Variants in PTPRK observed in about 807,000 individuals in gnomAD.
PTPRK encodes receptor-type tyrosine-protein phosphatase kappa.
Under a neutral mutation model 178.0 loss-of-function variants are expected in PTPRK, and 75 were observed. The observed-to-expected ratio is 0.42, with a 90% CI of 0.35 to 0.51. The LOEUF (loss-of-function observed/expected upper bound fraction) is 0.51, where lower values mean the gene tolerates loss of function less well. PTPRK is among the 20% of genes least tolerant of loss of function. The pLI, the probability that PTPRK is intolerant of heterozygous loss-of-function variation, is 0.02. For missense variants in PTPRK, 1,441 were observed against 1,797.8 expected, an observed-to-expected ratio of 0.80 and a Z score of 3.59; for synonymous variants, 637 against 620.6, an observed-to-expected ratio of 1.03 and a Z score of -0.39.
At chr6:128,020,925 A>C (rs772397315) in intron 13 of PTPRK, among the ~76,000 whole-genome samples, 22 of 152,186 alleles carry the variant, frequency 1.4e-4, no homozygotes, top group Admixed American at 3.3e-4. Flanking sequence ...AAATCACGTT[A>C]ATAGAGGTTG....
At chr6:128,143,128 T>C (rs2114519381) in intron 7 of PTPRK, among the ~76,000 whole-genome samples, 1 of 149,984 alleles carries the variant, frequency 6.7e-6, no homozygotes, top group African/African-American at 2.5e-5. Flanking sequence ...AAATGCCTTC[T>C]TTTCACCTTC....
intron 3 of PTPRK, among the ~76,000 whole-genome samples, chr6:128,317,159 C>A (rs1297152995): frequency 6.6e-6 from 1 of 152,070 alleles, no homozygotes; most frequent in Non-Finnish European, 1.5e-5. Context: ...AGACCAAACT[C>A]ATAAAAATCA....
At chr6:128,232,822 A>T (rs1812529240) in intron 5 of PTPRK, among the ~76,000 whole-genome samples, 1 of 152,218 alleles carries the variant, frequency 6.6e-6, no homozygotes, top group African/African-American at 2.4e-5. Context: ...CCATTCTTAA[A>T]GTCTTTTACC....
At chr6:128,496,525 A>C (rs938005952) in intron 1 of PTPRK, among the ~76,000 whole-genome samples, 1 of 152,192 alleles carries the variant, frequency 6.6e-6, no homozygotes, top group Non-Finnish European at 1.5e-5. Flanking sequence ...ATTAAACCTA[A>C]GTGAAGTGAC....
intron 1 of PTPRK, among the ~76,000 whole-genome samples, chr6:128,510,340 T>C (rs142660485): frequency 2.3e-3 from 349 of 152,272 alleles, no homozygotes; most frequent in African/African-American, 8.0e-3. Context: ...GGAGAGGAGG[T>C]AGCTAGGCAA....
chr6:128,450,396 C>A (rs999496876), intron 1 of PTPRK, among the ~76,000 whole-genome samples: 2 of 152,122 alleles, frequency 1.3e-5, no homozygotes, highest in Non-Finnish European at 2.9e-5. Context: ...TTAAACAAAA[C>A]CACTTGTTCT....
At chr6:128,312,349 C>G (rs745408909) in intron 3 of PTPRK, among the ~76,000 whole-genome samples, 1 of 152,136 alleles carries the variant, frequency 6.6e-6, no homozygotes, top group Non-Finnish European at 1.5e-5. Context: ...GTTTCTATGC[C>G]CTGCCATGGG....
chr6:128,009,099 G>A (rs1363174412), intron 14 of PTPRK, 31 bp downstream of exon 14: 2 of 1,546,974 alleles, frequency 1.3e-6, no homozygotes, highest in African/African-American at 1.4e-5. Flanking sequence ...TAAATGGTAA[G>A]TGAGTGGGAC....
At chr6:127,977,119 A>G (rs1217243519) in intron 25 of PTPRK, 65 bp from the exon 26 acceptor site, 2 of 1,507,702 alleles carry the variant, frequency 1.3e-6, no homozygotes, top group African/African-American at 2.8e-5. Context: ...TTGTACAAAC[A>G]GATACAATAC....
rs1562577229 is a variant in PTPRK at position 128,464,664 on chromosome 6, T to TATATATATATAC, written c.100+55583_100+55594dup. Among the ~76,000 whole-genome samples the TATATATATATAC allele has an allele frequency of 5.1e-5, 6 of 117,732 alleles. 1 individual carries two copies. In the East Asian group the frequency reaches 1.3e-3, roughly 26 times the overall value. 77.2% of individuals were successfully genotyped at this position (117,732 alleles called of 152,430 possible). Reference sequence around the variant, plus strand: ...ATATATATATATATATATATATATATATATATATATACAACAGATGGTCAC... The same window carrying TATATATATATAC: ...ATATATATATATATATATATATATATATATATATATACATATATATATACAACAGATGGTCAC... On this transcript the variant is annotated intron_variant, in intron 1 of 29. Coordinates refer to ENST00000368226, the MANE Select transcript of PTPRK (RefSeq NM_002844.4).
At chr6:128,465,093 G>A (rs1419456390) in intron 1 of PTPRK, among the ~76,000 whole-genome samples, 2 of 151,644 alleles carry the variant, frequency 1.3e-5, no homozygotes, top group African/African-American at 4.8e-5. Flanking sequence ...TTTCCAACAA[G>A]AGCAGTTTGG....
At chr6:128,016,287 G>A (rs1393853721) in intron 13 of PTPRK, among the ~76,000 whole-genome samples, 1 of 151,814 alleles carries the variant, frequency 6.6e-6, no homozygotes, top group Non-Finnish European at 1.5e-5. Context: ...TTGATGAAGG[G>A]TGACGTTATA....
chr6:128,388,226 G>A (rs958664952), intron 2 of PTPRK, among the ~76,000 whole-genome samples: 11 of 152,130 alleles, frequency 7.2e-5, no homozygotes, highest in African/African-American at 2.7e-4. Context: ...TAAGACATAA[G>A]GAGGAGACAA....
chr6:127,991,859 C>G (rs2114663093), intron 19 of PTPRK, among the ~76,000 whole-genome samples: 1 of 151,796 alleles, frequency 6.6e-6, no homozygotes, highest in East Asian at 1.9e-4. Flanking sequence ...CTCCAAACTG[C>G]AAAAGCATGT....
In PTPRK at chr6:128,424,452, T is replaced by C. The variant is rs138783432; in HGVS notation, c.101-26764A>G. Among the ~76,000 whole-genome samples, 16 of 152,294 alleles carry C rather than the reference T, an allele frequency of 1.1e-4. 1 individual carries two copies. In the East Asian group the frequency reaches 3.1e-3, roughly 29 times the overall value. On this transcript the variant is annotated intron_variant, in intron 1 of 29. Transcript: ENST00000368226. ...CTTGAAATTACACTATTCTCAGTCG[T>C]ATAAAATCAGACTAGTAAGTAAATA...
At chr6:127,976,318 G>A (rs1167560760) in intron 27 of PTPRK, among the ~76,000 whole-genome samples, 1 of 151,974 alleles carries the variant, frequency 6.6e-6, no homozygotes, top group East Asian at 1.9e-4. Flanking sequence ...CCATTTCTGG[G>A]CTGGATGTCA....
chr6:128,471,579 G>A (rs1850656351), intron 1 of PTPRK, among the ~76,000 whole-genome samples: 1 of 134,650 alleles, frequency 7.4e-6, no homozygotes. Flanking sequence ...AAATCAGAAA[G>A]GCATTCACTA....
intron 13 of PTPRK, among the ~76,000 whole-genome samples, chr6:128,031,771 T>C (rs1308439087): frequency 2.0e-5 from 3 of 152,118 alleles, no homozygotes; most frequent in South Asian, 4.1e-4. Flanking sequence ...CTTGAACTAA[T>C]TTAGAACAGT....
At position 127,985,737 on chromosome 6, in the gene PTPRK, T is replaced by C. The variant is rs762912929; in HGVS notation, c.3235A>G (p.Ile1079Val). Reference protein sequence around the residue: ...KLSNPPSAGPIVVHCSAGAGR... With the variant: ...KLSNPPSAGPVVVHCSAGAGR... ...ACCACTTACCTGCAATGTACAACGA[T>C]GGGGCCAGCACTGGGAGGGTTTGAT... is the stretch of plus-strand genomic sequence containing the variant. The change falls in exon 22 of 30, where the codon ATC becomes GTC. Residue 1079 changes from isoleucine to valine, a missense_variant. By Grantham distance (29) the Ile-to-Val change is conservative. Around this residue, in one of 4 missense-constraint regions of PTPRK, gnomAD observed 335 missense variants for 512.4 expected, o/e 0.65. Transcript: ENST00000368226. The C allele has an allele frequency of 6.2e-7, 1 of 1,612,760 alleles. No homozygotes were observed. Among genetic ancestry groups the C allele is most frequent in the South Asian group, 1.1e-5 (1 of 90,934 alleles).
Sources: gnomAD v4.1 joint callset for allele counts (sites outside exome capture counted in the v4.1 genomes callset) on GRCh38, gnomAD v4.1.1 for gene constraint, gnomAD v4.1.1 regional missense constraint, MANE v1.5 for transcripts, NCBI Gene and HGNC (gene_info 2026-07-23, HGNC 2026-07-21) for gene names.